The following PTPRS variants were observed in gnomAD, a reference collection of about 807,000 sequenced individuals.
PTPRS encodes the protein receptor-type tyrosine-protein phosphatase S.
In PTPRS, 63 loss-of-function variants were observed where a neutral mutation model predicts 215.3. The observed-to-expected ratio is 0.29, with a 90% CI of 0.24 to 0.36. The LOEUF (loss-of-function observed/expected upper bound fraction) is 0.36. PTPRS is among the 10% of genes least tolerant of loss of function. PTPRS has a pLI of 1.00. For synonymous variants in PTPRS, 1,404 were observed against 1,191.4 expected (o/e 1.18, Z -3.68); for missense variants, 2,258 against 2,825.8 (o/e 0.80, Z 4.56).
intron 17 of PTPRS, among the ~76,000 whole-genome samples, chr19:5,224,872 G>A (rs2042335209): frequency 6.6e-6 from 1 of 152,122 alleles, no homozygotes; most frequent in Admixed American, 6.5e-5. Context: ...AGGCCTGAAA[G>A]GTGGGGTACA....
intron 1 of PTPRS, among the ~76,000 whole-genome samples, chr19:5,317,946 C>T (rs1311252318): frequency 2.0e-5 from 3 of 152,058 alleles, no homozygotes; most frequent in South Asian, 2.1e-4. Flanking sequence ...CCGAGGCGGG[C>T]GGACCATGAG....
intron 22 of PTPRS, 98 bp from the exon 23 acceptor site, chr19:5,219,565 T>C: frequency 1.5e-6 from 2 of 1,374,422 alleles, no homozygotes; most frequent in Non-Finnish European, 1.9e-6. Flanking sequence ...TCCCCCGCTC[T>C]AGATCCTCCT....
At chr19:5,308,425 C>G (rs1034101295) in intron 1 of PTPRS, among the ~76,000 whole-genome samples, 4 of 152,184 alleles carry the variant, frequency 2.6e-5, no homozygotes, top group Non-Finnish European at 5.9e-5. Context: ...TATAGTGTCC[C>G]CAGTCCCAGC....
In PTPRS at chr19:5,218,471, G is replaced by A. The variant is rs367722276; in HGVS notation, c.3997C>T (p.His1333Tyr). Residue 1333 changes from histidine (H) to tyrosine (Y), a missense_variant, in exon 25 of 38, where the codon CAC becomes TAC. His to Tyr is a moderately conservative substitution (Grantham distance 83). This residue lies in a region of PTPRS where 927 missense variants were observed against 1,125.9 expected (regional missense o/e 0.82). Coordinates refer to ENST00000262963, the MANE Select transcript of PTPRS (RefSeq NM_002850.4). ...ATTTCCACAGGGTCCTTGGGGTGGT[G>A]AGGGGCGAGGTCGGCATTGTTCAGG... ...CLLNNADLAPHHPKDPVEMRR... is the reference protein window; with the variant it reads ...CLLNNADLAPYHPKDPVEMRR... 4.8e-5 allele frequency: 77 copies of A among 1,614,032 alleles called. No individual in the cohort carries two copies. The highest frequency in any genetic ancestry group is 6.3e-5 in the Non-Finnish European group (74 of 1,180,038).
At chr19:5,276,377 C>A (rs913700198) in intron 2 of PTPRS, among the ~76,000 whole-genome samples, 47 of 151,964 alleles carry the variant, frequency 3.1e-4, no homozygotes, top group African/African-American at 1.1e-3. Flanking sequence ...CACGCACCAC[C>A]ACGCCTGGCT....
intron 30 of PTPRS, 101 bp downstream of exon 30, chr19:5,214,256 TTCTC>T: frequency 2.7e-6 from 4 of 1,504,748 alleles, no homozygotes; most frequent in Non-Finnish European, 3.6e-6. Context: ...ACGCTCCGCT[TTCTC>T]TCTGTCCCAT....
intron 15 of PTPRS, 34 bp downstream of exon 15, chr19:5,229,456 GC>G: frequency 7.2e-7 from 1 of 1,383,822 alleles, no homozygotes; most frequent in South Asian, 1.7e-5. Context: ...CCCGCCCGGA[GC>G]CCGTCCCCGG....
At chr19:5,308,625 G>A (rs2049582193) in intron 1 of PTPRS, among the ~76,000 whole-genome samples, 2 of 152,300 alleles carry the variant, frequency 1.3e-5, no homozygotes, top group East Asian at 1.9e-4. Context: ...CCAGCCCCTC[G>A]GGGAACCTGC....
rs368649842 is a variant in PTPRS, at chr19:5,278,538, G to A, written c.92-4194C>T. On this transcript the variant is annotated intron_variant, in intron 2 of 37. Coordinates refer to ENST00000262963, the MANE Select transcript of PTPRS (RefSeq NM_002850.4). ...CGTCACCCAGGCTCAAGTGCAGGGC[G>A]CGATCTTGGCTCACTGCAACCTCCG... is the stretch of plus-strand genomic sequence containing the variant. Among the ~76,000 whole-genome samples, 35 of 152,224 alleles carry A rather than the reference G, an allele frequency of 2.3e-4. No individual in the cohort carries two copies. The East Asian group carries it at 5.4e-3, about 24-fold the overall frequency.
At chr19:5,289,505 G>A (rs34874032) in intron 1 of PTPRS, among the ~76,000 whole-genome samples, 59,893 of 151,850 alleles carry the variant, frequency 0.39, 12,225 homozygotes, top group East Asian at 0.67. Context: ...CACCTGCCTC[G>A]GGGTCAAAGC....
At chr19:5,208,610 T>C (rs988116908) in intron 35 of PTPRS, among the ~76,000 whole-genome samples, 4 of 151,886 alleles carry the variant, frequency 2.6e-5, no homozygotes, top group Non-Finnish European at 5.9e-5. Context: ...AGCCTCCCGA[T>C]TAGCTGGGAT....
intron 1 of PTPRS, among the ~76,000 whole-genome samples, chr19:5,302,783 C>G (rs1036699272): frequency 6.6e-6 from 1 of 151,580 alleles, no homozygotes; most frequent in South Asian, 2.1e-4. Context: ...CTCGGCCAGG[C>G]GTGGTGGCTC....
rs1022354183 is a variant in PTPRS at position 5,339,725 on chromosome 19, G to T, written c.-95+939C>A. Among the ~76,000 whole-genome samples the T allele has an allele frequency of 9.9e-5, 15 of 151,912 alleles. No individual in the cohort carries two copies. The highest frequency in any genetic ancestry group is 1.3e-4 in the Non-Finnish European group (9 of 67,874). Reference sequence around the variant, plus strand: ...CCCGCGCCCCCTTTAACCCAGTGCCGACGGCCCCGCCCCCGGTATGACGTC... The same window carrying T: ...CCCGCGCCCCCTTTAACCCAGTGCCTACGGCCCCGCCCCCGGTATGACGTC... On this transcript the variant is annotated intron_variant, in intron 1 of 37. Transcript: ENST00000262963. The surrounding 1 kb of genome is among the most constrained non-coding windows in gnomAD (Gnocchi z 4.2).
chr19:5,209,416 A>G (rs1454898136), intron 35 of PTPRS, among the ~76,000 whole-genome samples: 1 of 151,556 alleles, frequency 6.6e-6, no homozygotes, highest in Non-Finnish European at 1.5e-5. Flanking sequence ...TTCTAATCCC[A>G]TCCTCCACCA....
intron 1 of PTPRS, among the ~76,000 whole-genome samples, chr19:5,309,536 C>T (rs2049623142): frequency 6.6e-6 from 1 of 152,158 alleles, no homozygotes; most frequent in African/African-American, 2.4e-5. Flanking sequence ...GAGCTGCCAA[C>T]TCCATGTCTC....
chr19:5,213,870 G>A (rs904699932), intron 30 of PTPRS, among the ~76,000 whole-genome samples: 4 of 152,034 alleles, frequency 2.6e-5, no homozygotes, highest in African/African-American at 9.7e-5. Context: ...ACCACAGATG[G>A]AGAAAAACAG....
chr19:5,260,749 G>T, intron 7 of PTPRS, 56 bp downstream of exon 7: 1 of 1,605,290 alleles, frequency 6.2e-7, no homozygotes, highest in South Asian at 1.1e-5. Flanking sequence ...AGCCTGAGGG[G>T]CTGAGTGGGC....
Position 5,229,487 on chromosome 19 carries a change from C to A in PTPRS, c.2349+4G>T, listed in dbSNP as rs1387473753. ...CCCCGGCCCCGCCCCGGCCCCCCGC[C>A]CACCTGGGCATCGGCCAGCATGACG... On this transcript the variant is annotated splice_donor_region_variant and intron_variant, in intron 15 of 37. Coordinates refer to ENST00000262963, the MANE Select transcript of PTPRS (RefSeq NM_002850.4). 14 of 1,424,228 alleles carry A rather than the reference C, an allele frequency of 9.8e-6. No individual in the cohort carries two copies. The highest frequency in any genetic ancestry group is 1.2e-5 in the Non-Finnish European group (13 of 1,093,436). 88.2% of individuals were successfully genotyped at this position (1,424,228 alleles called of 1,614,324 possible). A position where few individuals can be genotyped will look rare whatever the true frequency, so the allele number is the denominator to read the frequency against.
At chr19:5,228,347 G>GAAAAAAAAAAAAAAAAAAA (rs71170899) in intron 16 of PTPRS, among the ~76,000 whole-genome samples, 5 of 105,888 alleles carry the variant, frequency 4.7e-5, no homozygotes, top group African/African-American at 2.1e-4. Context: ...TCCGTCTGGA[G>GAAAAAAAAAAAAAAAAAAA]AAAAAAAAAA....
Sources: allele counts gnomAD v4.1 joint callset (sites outside exome capture counted in the v4.1 genomes callset), GRCh38; gene constraint gnomAD v4.1.1; regional missense constraint gnomAD v4.1.1; non-coding constraint Gnocchi (gnomAD v3.1); transcripts MANE v1.5; gene names NCBI Gene and HGNC (gene_info 2026-07-23, HGNC 2026-07-21).